RUFY3: variants seen among roughly 807,000 people sequenced by gnomAD.
RUFY3 encodes the protein protein RUFY3.
RUFY3 carries 34 observed loss-of-function variants against 84.0 expected under a neutral mutation model. The ratio of observed to expected loss-of-function variants is 0.40; its 90% CI spans 0.31 to 0.54. The LOEUF is 0.54. Ranked by LOEUF, RUFY3 falls within the 20% of genes least tolerant of loss-of-function variation. RUFY3 has a pLI of 0.39. For missense variants in RUFY3, 507 were observed against 736.8 expected (o/e 0.69, Z 3.61); for synonymous variants, 242 against 252.9 (o/e 0.96, Z 0.41).
At chr4:70,726,532 C>A (rs2148597608) in intron 1 of RUFY3, among the ~76,000 whole-genome samples, 1 of 152,300 alleles carries the variant, frequency 6.6e-6, no homozygotes. Flanking sequence ...CGCCACCACG[C>A]CCAGCTAATT....
rs1742377888 is a variant in RUFY3 at position 70,722,168 on chromosome 4, A to AT, written c.-401dup. ...TTTTTTTTCTGCACAAAGGAGGAGG[A>AT]TTTTTCACTTACTCATATCGAGGCC... On this transcript the variant is annotated 5_prime_UTR_variant, in exon 1 of 18. Transcript: ENST00000381006. 2.4e-6 allele frequency: 3 copies of AT among 1,230,288 alleles called. No individual in the cohort carries two copies. The highest frequency in any genetic ancestry group is 3.0e-6 in the Non-Finnish European group (3 of 987,640). 76.2% of individuals were successfully genotyped at this position (1,230,288 alleles called of 1,614,324 possible). A position where few individuals can be genotyped will look rare whatever the true frequency, so the allele number is the denominator to read the frequency against.
At position 70,793,851 on chromosome 4, in the gene RUFY3, T is replaced by C; in HGVS notation, c.1404T>C (p.Phe468=). The C allele has an allele frequency of 6.2e-7, 1 of 1,614,138 alleles. No individual in the cohort carries two copies. Among genetic ancestry groups the C allele is most frequent in the South Asian group, 1.1e-5 (1 of 91,086 alleles). ...ELDNRLFKQD[F]GDKINSLQLE... ...ACAACCGGCTCTTCAAACAGGACTT[T>C]GGAGACAAGATCAACAGTCTGCAGC... The change falls in exon 13 of 18, where the codon TTT becomes TTC. Residue 468 remains phenylalanine (F), a synonymous_variant. Transcript: ENST00000381006.
chr4:70,788,242 G>A lies in RUFY3; in HGVS notation c.1072-564G>A, dbSNP rs146999042. ...GGAGGTTGCAGTGAGCCAAGACTGAGCCCCTGCACTCCAGCCTGAGCGACA... is the reference window on the plus strand; with the variant it reads ...GGAGGTTGCAGTGAGCCAAGACTGAACCCCTGCACTCCAGCCTGAGCGACA... On this transcript the variant is annotated intron_variant, in intron 10 of 17. Transcript: ENST00000381006. Among the ~76,000 whole-genome samples the A allele has an allele frequency of 2.8e-3, 425 of 150,580 alleles. 3 individuals are homozygous for A. Among genetic ancestry groups the A allele is most frequent in the African/African-American group, 0.01 (410 of 40,800 alleles).
intron 7 of RUFY3, among the ~76,000 whole-genome samples, chr4:70,776,494 G>T (rs1055990048): frequency 2.6e-5 from 4 of 152,170 alleles, no homozygotes; most frequent in East Asian, 1.9e-4. Context: ...AATTAAAGAG[G>T]CCGGGAGCAG....
intron 1 of RUFY3, among the ~76,000 whole-genome samples, chr4:70,711,080 A>AAAAAG (rs1384496428): frequency 6.6e-6 from 1 of 150,910 alleles, no homozygotes; most frequent in African/African-American, 2.4e-5. Context: ...AAAAAAAAAA[A>AAAAAG]AAAAAAAAAA....
chr4:70,715,880 A>G (rs183673175), intron 1 of RUFY3, among the ~76,000 whole-genome samples: 2 of 152,158 alleles, frequency 1.3e-5, no homozygotes, highest in African/African-American at 4.8e-5. Flanking sequence ...TTGGGAGGCC[A>G]AGGCGGGCAG....
chr4:70,742,724 G>C (rs957330776), intron 1 of RUFY3, among the ~76,000 whole-genome samples: 1 of 152,142 alleles, frequency 6.6e-6, no homozygotes, highest in Non-Finnish European at 1.5e-5. Context: ...TCCTTAATCA[G>C]ACCTGGGACG....
In RUFY3 at chr4:70,762,572, C is replaced by G; in HGVS notation, c.232C>G (p.Leu78Val). The G allele has an allele frequency of 1.2e-6, 2 of 1,613,916 alleles. No homozygotes were observed. Among genetic ancestry groups the G allele is most frequent in the Non-Finnish European group, 1.7e-6 (2 of 1,179,894 alleles). ...ERMNLMNMAK[L>V]SIKGLIESAL... ...CATGAACCTCATGAACATGGCCAAG[C>G]TGAGTATCAAGGGCTTGATTGAATC... Residue 78 changes from leucine to valine, a missense_variant, in exon 2 of 18, where the codon CTG becomes GTG. Physicochemically the swap from Leu to Val is conservative, Grantham distance 32. Transcript: ENST00000381006.
chr4:70,722,217 A>T lies in RUFY3; in HGVS notation c.-357A>T. ...CCAGATTTTTAAAGCCAGCTAAGGCAGCATCAGCTGTGCGGGATTTAAAGC... is the reference window on the plus strand; with the variant it reads ...CCAGATTTTTAAAGCCAGCTAAGGCTGCATCAGCTGTGCGGGATTTAAAGC... On this transcript the variant is annotated 5_prime_UTR_variant, in exon 1 of 18. Coordinates refer to ENST00000381006, the MANE Select transcript of RUFY3 (RefSeq NM_001037442.4). 3 of 1,230,234 alleles carry T rather than the reference A, an allele frequency of 2.4e-6. No homozygotes were observed. Among genetic ancestry groups the T allele is most frequent in the Non-Finnish European group, 3.0e-6 (3 of 987,594 alleles). The allele number at this position is 1,230,234 out of a possible 1,614,324, so 76.2% of individuals were successfully genotyped here.
intron 1 of RUFY3, among the ~76,000 whole-genome samples, chr4:70,742,571 A>G (rs887403130): frequency 2.6e-5 from 4 of 152,176 alleles, no homozygotes; most frequent in African/African-American, 9.7e-5. Context: ...GCTTTGGCCC[A>G]CATTCTTTTC....
intron 1 of RUFY3, among the ~76,000 whole-genome samples, chr4:70,714,831 T>C (rs1741387651): frequency 1.3e-5 from 2 of 152,216 alleles, no homozygotes; most frequent in Admixed American, 6.5e-5. Context: ...TTTCCCAAGG[T>C]CACCTACTAA....
chr4:70,713,421 G>T (rs571020674), intron 1 of RUFY3, among the ~76,000 whole-genome samples: 1 of 152,346 alleles, frequency 6.6e-6, no homozygotes, highest in African/African-American at 2.4e-5. Context: ...ATTGTGAAAA[G>T]GTTCATAGTC....
chr4:70,797,862 A>T (rs907489092), intron 14 of RUFY3, among the ~76,000 whole-genome samples: 10 of 147,910 alleles, frequency 6.8e-5, no homozygotes, highest in East Asian at 1.9e-4. Flanking sequence ...AAAAAATAAT[A>T]AAAAAAAACA....
chr4:70,807,724 C>T lies in RUFY3; in HGVS notation c.*1065C>T, dbSNP rs1188519661. Reference sequence around the variant, plus strand: ...ATTGGTTGCTCAGCCTGGTCTCAAACTCCTGGGCTTAAGCAGTCCTCCCAC... The same window carrying T: ...ATTGGTTGCTCAGCCTGGTCTCAAATTCCTGGGCTTAAGCAGTCCTCCCAC... On this transcript the variant is annotated 3_prime_UTR_variant, in exon 18 of 18. Coordinates refer to ENST00000381006, the MANE Select transcript of RUFY3 (RefSeq NM_001037442.4). Among the ~76,000 whole-genome samples the T allele has an allele frequency of 1.4e-5, 2 of 146,922 alleles. No homozygotes were observed. The highest frequency in any genetic ancestry group is 5.0e-5 in the African/African-American group (2 of 39,696).
At chr4:70,773,260 A>T (rs1727291289) in intron 5 of RUFY3, among the ~76,000 whole-genome samples, 2 of 152,218 alleles carry the variant, frequency 1.3e-5, no homozygotes, top group Admixed American at 1.3e-4. Flanking sequence ...GACCTTATTT[A>T]TATTAAGTAT....
chr4:70,719,389 G>T (rs1234300153), upstream of RUFY3, among the ~76,000 whole-genome samples: 1 of 152,212 alleles, frequency 6.6e-6, no homozygotes, highest in African/African-American at 2.4e-5. Flanking sequence ...GTGTTGGTAT[G>T]TTGCAATCAA....
chr4:70,771,412 A>G (rs1287252875), intron 5 of RUFY3, among the ~76,000 whole-genome samples: 1 of 152,206 alleles, frequency 6.6e-6, no homozygotes, highest in East Asian at 1.9e-4. Context: ...AAATTCACCT[A>G]AAACTTTTCA....
chr4:70,779,904 C>T (rs372309338), intron 8 of RUFY3, among the ~76,000 whole-genome samples: 6 of 152,216 alleles, frequency 3.9e-5, no homozygotes, highest in African/African-American at 1.4e-4. Flanking sequence ...TAATGATGCC[C>T]TTACACCCCA....
chr4:70,727,838 T>C (rs1195971544), intron 1 of RUFY3, among the ~76,000 whole-genome samples: 1 of 151,996 alleles, frequency 6.6e-6, no homozygotes, highest in Non-Finnish European at 1.5e-5. Context: ...ACATGTTATG[T>C]ATACGCATGT....
Sources: gnomAD v4.1 joint callset for allele counts (sites outside exome capture counted in the v4.1 genomes callset) on GRCh38, gnomAD v4.1.1 for gene constraint, MANE v1.5 for transcripts, NCBI Gene and HGNC (gene_info 2026-07-23, HGNC 2026-07-21) for gene names.